Variants in LRRK1 observed in about 807,000 individuals in gnomAD.
LRRK1 encodes the protein leucine-rich repeat serine/threonine-protein kinase 1.
Under a neutral mutation model 209.1 loss-of-function variants are expected in LRRK1, and 113 were observed. The ratio of observed to expected loss-of-function variants is 0.54; its 90% confidence interval spans 0.46 to 0.63. LRRK1 has a LOEUF of 0.63. Among genes scored for constraint, LRRK1 ranks in the 30% least tolerant of loss-of-function variants. LRRK1 has a pLI of 0.00. For missense variants in LRRK1, 2,284 were observed against 2,632.2 expected (o/e 0.87, Z 2.89); for synonymous variants, 1,144 against 1,099.7 (o/e 1.04, Z -0.80).
chr15:100,931,785 G>A lies in LRRK1; in HGVS notation c.97+7056G>A, dbSNP rs1244135676. ...ACGGGTTCAAAAATAAGAAGCAAGC[G>A]AAGAACCGCTGCCTGACAGTGCACT... is the stretch of plus-strand genomic sequence containing the variant. On this transcript the variant is annotated intron_variant, in intron 2 of 33. Transcript: ENST00000388948. Among the ~76,000 whole-genome samples the A allele has an allele frequency of 3.3e-5, 5 of 152,282 alleles. No homozygotes were observed. The East Asian group carries it at 7.7e-4, about 24-fold the overall frequency.
rs911971508 is a variant in LRRK1, at chr15:101,072,202, T to A, written c.*3354T>A. 1 of 152,244 alleles carries A rather than the reference T, an allele frequency of 6.6e-6. No homozygotes were observed. Among genetic ancestry groups the A allele is most frequent in the Non-Finnish European group, 1.5e-5 (1 of 68,032 alleles). The allele number at this position is 152,244 out of a possible 1,614,324, so 9.4% of individuals were successfully genotyped here. Reference sequence around the variant, plus strand: ...TATCTACCAAAATTTCAAATGCACATACCCTCTGACCCAGCAGTTCCACTT... The same window carrying A: ...TATCTACCAAAATTTCAAATGCACAAACCCTCTGACCCAGCAGTTCCACTT... On this transcript the variant is annotated 3_prime_UTR_variant, in exon 34 of 34. Coordinates refer to ENST00000388948, the MANE Select transcript of LRRK1 (RefSeq NM_024652.6).
At chr15:101,032,726 C>T (rs1259761396) in intron 20 of LRRK1, among the ~76,000 whole-genome samples, 2 of 152,070 alleles carry the variant, frequency 1.3e-5, no homozygotes, top group Non-Finnish European at 2.9e-5. Context: ...TGTATATTAT[C>T]CCATTGTTCC....
Position 100,949,914 on chromosome 15 carries a change from A to G in LRRK1, c.98-23890A>G, listed in dbSNP as rs1450411581. Among the ~76,000 whole-genome samples the G allele has an allele frequency of 2.0e-5, 3 of 152,146 alleles. No homozygotes were observed. In the South Asian group the frequency reaches 6.2e-4, roughly 31 times the overall value. On this transcript the variant is annotated intron_variant, in intron 2 of 33. Transcript: ENST00000388948. ...AAAAAAAACCCATAACTAACATCAT[A>G]CTTAATAGTGAAAGACTGACTGCTT...
chr15:101,065,883 G>T lies in LRRK1; in HGVS notation c.5446G>T (p.Val1816Leu). 1 of 1,614,168 alleles carries T rather than the reference G, an allele frequency of 6.2e-7. No homozygotes were observed. Among genetic ancestry groups the T allele is most frequent in the South Asian group, 1.1e-5 (1 of 91,082 alleles). Residue 1816 changes from valine (V) to leucine (L), a missense_variant, in exon 32 of 34, where the codon GTG (valine) becomes TTG (leucine). Val to Leu is a conservative substitution (Grantham distance 32). This residue lies in a region of LRRK1 where 643 missense variants were observed against 695.9 expected (regional missense o/e 0.92). Coordinates refer to ENST00000388948, the MANE Select transcript of LRRK1 (RefSeq NM_024652.6). ...GCCTGAGGGGGACTCCATCGCGGAC[G>T]TGAGCATCATGTACAGTGAGGAGCT... is the stretch of plus-strand genomic sequence containing the variant. ...KVPEGDSIAD[V>L]SIMYSEELGT...
At chr15:100,995,206 T>C (rs1377195056) in intron 6 of LRRK1, among the ~76,000 whole-genome samples, 4 of 152,176 alleles carry the variant, frequency 2.6e-5, no homozygotes, top group African/African-American at 9.6e-5. Context: ...GAGCTCTGCC[T>C]GACACACCAG....
chr15:101,045,863 C>T (rs2141122101), intron 20 of LRRK1, 118 bp from the exon 21 acceptor site: 1 of 805,076 alleles, frequency 1.2e-6, no homozygotes, highest in Non-Finnish European at 2.0e-6. Flanking sequence ...AGGAAGGAAC[C>T]CAGCAGCCTG....
chr15:101,028,122 TA>T (rs34415456), intron 19 of LRRK1, among the ~76,000 whole-genome samples: 128,895 of 152,128 alleles, frequency 0.85, 55,006 homozygotes, highest in Non-Finnish European at 0.9. Flanking sequence ...CCACAGGACT[TA>T]ACGTTCTGTA....
intron 2 of LRRK1, among the ~76,000 whole-genome samples, chr15:100,941,468 G>A (rs868011183): frequency 5.6e-4 from 35 of 62,640 alleles, no homozygotes; most frequent in Admixed American, 1.2e-3. Context: ...ATGTCTCTGT[G>A]TGTGTGTGTG....
At chr15:100,941,279 C>CGT (rs1482435738) in intron 2 of LRRK1, among the ~76,000 whole-genome samples, 1 of 27,848 alleles carries the variant, frequency 3.6e-5, no homozygotes. Flanking sequence ...TGTGTGTGTC[C>CGT]GTGTGTGTGT....
At position 101,022,648 on chromosome 15, in the gene LRRK1, T is replaced by C; in HGVS notation, c.2067+51T>C. On this transcript the variant is annotated intron_variant, in intron 15 of 33. Transcript: ENST00000388948. This position sits in a 1 kb window ranked among gnomAD's most constrained non-coding sequence, Gnocchi z 4.0. ...CCCTGTGGGTGGGAGGAACATCCCT[T>C]GGACTCCTTCTCCCTTCTCCCCAGA... is the stretch of plus-strand genomic sequence containing the variant. 2 of 1,301,804 alleles carry C rather than the reference T, an allele frequency of 1.5e-6. No homozygotes were observed. The highest frequency in any genetic ancestry group is 2.1e-6 in the Non-Finnish European group (2 of 936,524). 80.6% of individuals were successfully genotyped at this position (1,301,804 alleles called of 1,614,324 possible).
At chr15:100,935,885 C>T (rs971448343) in intron 2 of LRRK1, among the ~76,000 whole-genome samples, 3 of 152,174 alleles carry the variant, frequency 2.0e-5, no homozygotes, top group African/African-American at 7.2e-5. Context: ...TTCCACACAC[C>T]TTCTCATCCA....
intron 2 of LRRK1, among the ~76,000 whole-genome samples, chr15:100,951,258 A>G (rs1258925683): frequency 6.6e-6 from 1 of 152,242 alleles, no homozygotes; most frequent in East Asian, 1.9e-4. Context: ...CACACCCAAC[A>G]GAAAGGACAA....
At chr15:101,063,724 G>C (rs2036335794) in intron 31 of LRRK1, among the ~76,000 whole-genome samples, 2 of 152,246 alleles carry the variant, frequency 1.3e-5, no homozygotes, top group Middle Eastern at 6.8e-3. Flanking sequence ...GTCTAGGCCG[G>C]TGTGCTTGGT....
Position 101,024,946 on chromosome 15 carries a change from G to T in LRRK1, c.2211G>T (p.Gln737His). ...GGGAGGAGGCCGTGGCCAACCTCCA[G>T]TTCTGGCTGCTCAACATCGAGGTGA... is the stretch of plus-strand genomic sequence containing the variant. ...ALGEEAVANL[Q>H]FWLLNIEAKA... The change falls in exon 16 of 34, where the codon CAG becomes CAT. Residue 737 changes from glutamine to histidine, a missense_variant. Physicochemically the swap from Gln to His is conservative, Grantham distance 24. Transcript: ENST00000388948. This position sits in a 1 kb window ranked among gnomAD's most constrained non-coding sequence, Gnocchi z 4.6. 1.9e-6 allele frequency: 3 copies of T among 1,613,856 alleles called. No individual in the cohort carries two copies. Among genetic ancestry groups the T allele is most frequent in the Non-Finnish European group, 2.5e-6 (3 of 1,179,976 alleles).
intron 20 of LRRK1, among the ~76,000 whole-genome samples, chr15:101,032,520 T>G (rs1682997247): frequency 6.6e-6 from 1 of 151,980 alleles, no homozygotes; most frequent in African/African-American, 2.4e-5. Flanking sequence ...ATTAATGAAG[T>G]CTAACTTTTA....
chr15:101,050,215 AGGGGC>A (rs1208203153), intron 23 of LRRK1, among the ~76,000 whole-genome samples: 5 of 152,306 alleles, frequency 3.3e-5, no homozygotes, highest in Non-Finnish European at 7.4e-5. Context: ...GTGGCAGCCA[AGGGGC>A]CTTGCTCTCC....
rs1309748811 is a variant in LRRK1, at chr15:101,020,095, A to G, written c.1610-958A>G. ...CTTTTTTTCATGGAAAAAGCAACGC[A>G]TGTATATTTTAAAACACCGTTTTTG... On this transcript the variant is annotated intron_variant, in intron 12 of 33. Transcript: ENST00000388948. Among the ~76,000 whole-genome samples the G allele has an allele frequency of 1.5e-3, 225 of 152,342 alleles. 2 individuals are homozygous for G. The highest frequency in any genetic ancestry group is 7.3e-5 in the Non-Finnish European group (5 of 68,032).
chr15:100,971,611 G>T (rs917811269), intron 2 of LRRK1, among the ~76,000 whole-genome samples: 1 of 152,112 alleles, frequency 6.6e-6, no homozygotes, highest in African/African-American at 2.4e-5. Context: ...ATTTTGTTAT[G>T]TGTATATAGT....
At chr15:100,967,927 C>T (rs2030577402) in intron 2 of LRRK1, among the ~76,000 whole-genome samples, 1 of 152,158 alleles carries the variant, frequency 6.6e-6, no homozygotes, top group South Asian at 2.1e-4. Context: ...GTAAGATGCA[C>T]ATATCTTAAA....
Sources: allele counts gnomAD v4.1 joint callset (sites outside exome capture counted in the v4.1 genomes callset), GRCh38; gene constraint gnomAD v4.1.1; regional missense constraint gnomAD v4.1.1; non-coding constraint Gnocchi (gnomAD v3.1); transcripts MANE v1.5; gene names NCBI Gene and HGNC (gene_info 2026-07-23, HGNC 2026-07-21).